ANK3: variants seen among roughly 807,000 people sequenced by gnomAD.
The protein encoded by ANK3 is ankyrin 3.
ANK3 carries 57 observed loss-of-function variants against 370.9 expected under a neutral mutation model. That is an observed-to-expected ratio of 0.15 (90% CI 0.12 to 0.19). The LOEUF is 0.19. Among genes scored for constraint, ANK3 ranks in the 10% least tolerant of loss-of-function variants. The pLI is 1.00. For missense variants in ANK3, 4,439 were observed against 5,302.1 expected (o/e 0.84, Z 5.06); for synonymous variants, 1,929 against 1,946.3 (o/e 0.99, Z 0.23).
intron 1 of ANK3, among the ~76,000 whole-genome samples, chr10:60,361,403 C>T (rs2058587531): frequency 6.6e-6 from 1 of 152,138 alleles, no homozygotes; most frequent in Non-Finnish European, 1.5e-5. Context: ...AGTTTTAAAA[C>T]CACTTCTTCA....
chr10:60,216,157 A>G (rs2096933543), intron 8 of ANK3, among the ~76,000 whole-genome samples: 1 of 151,904 alleles, frequency 6.6e-6, no homozygotes, highest in South Asian at 2.1e-4. Flanking sequence ...CAGTTTAAGG[A>G]GTTTTTGGGC....
chr10:60,423,073 T>C (rs1434799718), intron 2 of ANK3, among the ~76,000 whole-genome samples: 2 of 152,008 alleles, frequency 1.3e-5, no homozygotes, highest in East Asian at 3.9e-4. Context: ...GTCCCTTCAG[T>C]CACCATGACA....
chr10:60,076,437 T>A lies in ANK3; in HGVS notation c.4444A>T (p.Thr1482Ser). 6.3e-7 allele frequency: 1 copy of A among 1,588,744 alleles called. No homozygotes were observed. Among genetic ancestry groups the A allele is most frequent in the Non-Finnish European group, 8.6e-7 (1 of 1,167,720 alleles). ...GTGGGGAGGGATCTTGTTGCTCCTG[T>A]ACTCCGTTCAACTGTTTCTTAAATT... ...LTEPGMIERS[T>S]GATRSLPTTY... The change falls in exon 37 of 44, where the codon ACA becomes TCA. Residue 1482 changes from threonine (T) to serine (S), a missense_variant. Transcript: ENST00000280772.
At chr10:60,312,537 C>A (rs1253304209) in intron 1 of ANK3, among the ~76,000 whole-genome samples, 1 of 152,156 alleles carries the variant, frequency 6.6e-6, no homozygotes, top group Non-Finnish European at 1.5e-5. Context: ...CATAGCAATT[C>A]TGTCTTGCCT....
intron 24 of ANK3, chr10:60,137,449 G>A: frequency 3.4e-6 from 1 of 295,438 alleles, no homozygotes; most frequent in Non-Finnish European, 6.6e-6. Flanking sequence ...TGTTATGGTT[G>A]AATGAGTTAC....
In ANK3 at chr10:60,172,410, A is replaced by G. The variant is rs1318019358; in HGVS notation, c.2383-7T>C. 2 of 1,613,186 alleles carry G rather than the reference A, an allele frequency of 1.2e-6. No individual in the cohort carries two copies. The highest frequency in any genetic ancestry group is 3.3e-5 in the Admixed American group (2 of 60,000). ...CAAGGGCAGTATTCCCATTCTGGCAAAAGGAAAATGTGAGTGAGGAATTAG... is the reference window on the plus strand; with the variant it reads ...CAAGGGCAGTATTCCCATTCTGGCAGAAGGAAAATGTGAGTGAGGAATTAG... On this transcript the variant is annotated splice_polypyrimidine_tract_variant and splice_region_variant and intron_variant, in intron 20 of 43. Coordinates refer to ENST00000280772, the MANE Select transcript of ANK3 (RefSeq NM_020987.5).
At chr10:60,287,688 G>A (rs558938108) in intron 1 of ANK3, among the ~76,000 whole-genome samples, 3 of 152,256 alleles carry the variant, frequency 2.0e-5, no homozygotes, top group Admixed American at 1.3e-4. Flanking sequence ...CTTGCCCAAG[G>A]TCACATAACT....
chr10:60,221,511 G>A (rs983927004), intron 8 of ANK3, among the ~76,000 whole-genome samples: 11 of 152,154 alleles, frequency 7.2e-5, no homozygotes, highest in African/African-American at 2.7e-4. Flanking sequence ...CCCATGGTCA[G>A]TCATGACTCA....
intron 1 of ANK3, among the ~76,000 whole-genome samples, chr10:60,667,199 T>C (rs866423534): frequency 2.5e-5 from 3 of 120,162 alleles, no homozygotes; most frequent in South Asian, 2.6e-4. Context: ...TATATTATAT[T>C]ATATTATATT....
intron 1 of ANK3, among the ~76,000 whole-genome samples, chr10:60,656,195 T>C (rs1342767595): frequency 6.6e-6 from 1 of 152,210 alleles, no homozygotes; most frequent in East Asian, 1.9e-4. Context: ...TAAATGTAGG[T>C]CTAGTAAAAT....
intron 1 of ANK3, among the ~76,000 whole-genome samples, chr10:60,287,034 T>C (rs995130758): frequency 6.6e-6 from 1 of 152,092 alleles, no homozygotes; most frequent in Non-Finnish European, 1.5e-5. Context: ...GTCTCTTCTG[T>C]ATGGTGGGTT....
At chr10:60,324,507 C>A (rs936562124) in intron 1 of ANK3, among the ~76,000 whole-genome samples, 1 of 152,190 alleles carries the variant, frequency 6.6e-6, no homozygotes, top group Admixed American at 6.5e-5. Flanking sequence ...CCTGAACTTT[C>A]AACCTGGAAG....
chr10:60,359,903 C>T (rs1350656105), intron 1 of ANK3, among the ~76,000 whole-genome samples: 2 of 152,160 alleles, frequency 1.3e-5, no homozygotes, highest in Non-Finnish European at 2.9e-5. Flanking sequence ...AATTCTTAAC[C>T]ATTATACTAA....
chr10:60,635,602 A>C (rs2078543395), intron 1 of ANK3, among the ~76,000 whole-genome samples: 1 of 152,170 alleles, frequency 6.6e-6, no homozygotes, highest in African/African-American at 2.4e-5. Flanking sequence ...CCAAACTATG[A>C]GGAGGTATTT....
At chr10:60,339,810 G>C (rs1373074471) in intron 1 of ANK3, among the ~76,000 whole-genome samples, 1 of 152,202 alleles carries the variant, frequency 6.6e-6, no homozygotes, top group East Asian at 1.9e-4. Context: ...AAGAACAGCA[G>C]CAGTAGCGGT....
intron 28 of ANK3, among the ~76,000 whole-genome samples, chr10:60,104,017 A>T (rs1437870903): frequency 6.6e-6 from 1 of 152,148 alleles, no homozygotes; most frequent in East Asian, 1.9e-4. Flanking sequence ...ATTCTCACTT[A>T]TAAGTGGGAG....
chr10:60,657,728 T>C (rs1431291404), intron 1 of ANK3, among the ~76,000 whole-genome samples: 2 of 152,154 alleles, frequency 1.3e-5, no homozygotes, highest in Non-Finnish European at 2.9e-5. Context: ...ATCAATTATA[T>C]TACAATGGTT....
intron 29 of ANK3, among the ~76,000 whole-genome samples, chr10:60,087,670 G>C (rs2087056584): frequency 6.6e-6 from 1 of 152,154 alleles, no homozygotes; most frequent in Admixed American, 6.5e-5. Context: ...CTAAAGTCTA[G>C]CTGAAATAAA....
At chr10:60,526,930 T>C (rs904884326) in intron 2 of ANK3, among the ~76,000 whole-genome samples, 3 of 152,084 alleles carry the variant, frequency 2.0e-5, no homozygotes, top group African/African-American at 7.2e-5. Context: ...TCCCTAGAAG[T>C]CATTTTCTGA....
Sources: allele counts gnomAD v4.1 joint callset (sites outside exome capture counted in the v4.1 genomes callset), GRCh38; gene constraint gnomAD v4.1.1; transcripts MANE v1.5; gene names NCBI Gene and HGNC (gene_info 2026-07-23, HGNC 2026-07-21).